The following GNA14 variants were observed in gnomAD, a reference collection of about 807,000 sequenced individuals.
GNA14 encodes G protein subunit alpha 14, also known as guanine nucleotide-binding protein subunit alpha-14.
Under a neutral mutation model 42.0 loss-of-function variants are expected in GNA14, and 50 were observed. The ratio of observed to expected loss-of-function variants is 1.19; its 90% CI spans 0.95 to 1.51. The LOEUF is 1.51. GNA14 is among the 40% of genes most tolerant of loss of function. The pLI is 0.00. For synonymous variants in GNA14, 173 were observed against 163.1 expected (o/e 1.06, Z -0.46); for missense variants, 473 against 446.2 (o/e 1.06, Z -0.54).
chr9:77,634,448 C>T (rs1275541187), intron 1 of GNA14, among the ~76,000 whole-genome samples: 6 of 118,344 alleles, frequency 5.1e-5, no homozygotes, highest in African/African-American at 9.7e-5. Context: ...AGGAAGGAAG[C>T]GAAAGGAAAG....
intron 2 of GNA14, among the ~76,000 whole-genome samples, chr9:77,464,369 G>A (rs1362474107): frequency 6.6e-6 from 1 of 150,500 alleles, no homozygotes; most frequent in African/African-American, 2.5e-5. Flanking sequence ...GTGTGTGTGT[G>A]TGTGTGTGTG....
chr9:77,597,659 C>A (rs1407740901), intron 1 of GNA14, among the ~76,000 whole-genome samples: 1 of 149,972 alleles, frequency 6.7e-6, no homozygotes, highest in Non-Finnish European at 1.5e-5. Flanking sequence ...AGTGGCAAAA[C>A]CCGCAATTAC....
chr9:77,533,661 C>G (rs143425925), intron 1 of GNA14, among the ~76,000 whole-genome samples: 69 of 152,288 alleles, frequency 4.5e-4, no homozygotes, highest in African/African-American at 1.6e-3. Context: ...TAAAACTGCT[C>G]CTGGTCTAAG....
intron 2 of GNA14, among the ~76,000 whole-genome samples, chr9:77,489,825 C>T (rs1204552259): frequency 6.6e-6 from 1 of 152,136 alleles, no homozygotes; most frequent in Non-Finnish European, 1.5e-5. Flanking sequence ...ATAAAAGCAG[C>T]GTGGACCCAA....
chr9:77,424,161 GT>G lies in GNA14; in HGVS notation c.885del (p.Lys295AsnfsTer12). The G allele has an allele frequency of 6.2e-7, 1 of 1,606,450 alleles. No homozygotes were observed. The highest frequency in any genetic ancestry group is 8.5e-7 in the Non-Finnish European group (1 of 1,175,616). On this transcript the variant is annotated frameshift_variant, in exon 7 of 7. Coordinates refer to ENST00000341700, the MANE Select transcript of GNA14 (RefSeq NM_004297.4). LOFTEE classifies it high-confidence loss of function. ...ISYFPEYTGP[K>X]QDVRAARDFI... ...AAGTCTCTGGCAGCTCTGACATCCTGTTTCGGTCCTAGTCACAAGTGCAATT... is the reference window on the plus strand; with the variant it reads ...AAGTCTCTGGCAGCTCTGACATCCTGTTCGGTCCTAGTCACAAGTGCAATT...
At chr9:77,569,007 A>G (rs1823016806) in intron 1 of GNA14, among the ~76,000 whole-genome samples, 1 of 152,140 alleles carries the variant, frequency 6.6e-6, no homozygotes, top group Non-Finnish European at 1.5e-5. Flanking sequence ...CAAGTTTTTC[A>G]ATGCCCAGGC....
intron 1 of GNA14, among the ~76,000 whole-genome samples, chr9:77,603,254 A>G (rs1823595729): frequency 1.3e-5 from 2 of 152,148 alleles, no homozygotes; most frequent in Admixed American, 6.5e-5. Flanking sequence ...TTTGTGTGTG[A>G]AATGTTTGGT....
chr9:77,500,418 T>TA (rs1027843547), intron 2 of GNA14, among the ~76,000 whole-genome samples: 8 of 152,306 alleles, frequency 5.3e-5, no homozygotes, highest in African/African-American at 9.6e-5. Context: ...CATGAGGTTG[T>TA]AAAAAAATAG....
intron 1 of GNA14, among the ~76,000 whole-genome samples, chr9:77,644,529 G>A (rs893902092): frequency 2.7e-5 from 4 of 150,126 alleles, no homozygotes; most frequent in East Asian, 2.0e-4. Context: ...GCAGCTGTCT[G>A]CAAGCCAAGG....
At chr9:77,610,530 C>G (rs1357892974) in intron 1 of GNA14, among the ~76,000 whole-genome samples, 4 of 152,136 alleles carry the variant, frequency 2.6e-5, no homozygotes, top group African/African-American at 9.7e-5. Context: ...TTCATCTAAC[C>G]TATTTACCTC....
chr9:77,572,420 T>C (rs1260460819), intron 1 of GNA14, among the ~76,000 whole-genome samples: 1 of 152,200 alleles, frequency 6.6e-6, no homozygotes, highest in African/African-American at 2.4e-5. Flanking sequence ...CTCCTTTCTT[T>C]CATAAAATGA....
intron 1 of GNA14, among the ~76,000 whole-genome samples, chr9:77,552,076 G>A (rs1837793460): frequency 6.8e-6 from 1 of 146,892 alleles, no homozygotes; most frequent in Non-Finnish European, 1.5e-5. Context: ...GGAGGCAGAG[G>A]TTGCAGTGAG....
intron 2 of GNA14, among the ~76,000 whole-genome samples, chr9:77,472,610 G>C (rs1466569742): frequency 6.6e-6 from 1 of 152,132 alleles, no homozygotes; most frequent in Non-Finnish European, 1.5e-5. Context: ...AGAATCAATT[G>C]TAGTTTTATA....
chr9:77,464,331 ATGTG>A (rs754670266), intron 2 of GNA14, among the ~76,000 whole-genome samples: 18 of 142,844 alleles, frequency 1.3e-4, no homozygotes, highest in African/African-American at 2.7e-4. Flanking sequence ...GTGTATATAT[ATGTG>A]TGTGTGTGTG....
chr9:77,556,247 T>C (rs1232536709), intron 1 of GNA14, among the ~76,000 whole-genome samples: 1 of 151,928 alleles, frequency 6.6e-6, no homozygotes, highest in East Asian at 1.9e-4. Flanking sequence ...CCATTTCAAA[T>C]AATAAAAATA....
intron 1 of GNA14, among the ~76,000 whole-genome samples, chr9:77,547,475 C>T (rs12347692): frequency 0.019 from 2,826 of 152,226 alleles, 78 homozygotes; most frequent in African/African-American, 0.058. Context: ...GTCGTAATAA[C>T]GAAAGTTATG....
chr9:77,428,912 T>C lies in GNA14; in HGVS notation c.718A>G (p.Asn240Asp), dbSNP rs1835498962. ...AAACTTCCCGCCCAGCATACCTCGT[T>C]GTCACACTCAGCCAGGACCTGGTCA... ...EYDQVLAECDNENRMEESKAL... is the reference protein window; with the variant it reads ...EYDQVLAECDDENRMEESKAL... Residue 240 changes from asparagine to aspartate, a missense_variant, in exon 5 of 7, where the codon AAC becomes GAC. By Grantham distance (23) the Asn-to-Asp change is conservative (BLOSUM62 1). Transcript: ENST00000341700. The C allele has an allele frequency of 1.9e-6, 3 of 1,613,418 alleles. No individual in the cohort carries two copies. In the African/African-American group the frequency reaches 4.0e-5, roughly 22 times the overall value.
chr9:77,464,383 G>A (rs948118565), intron 2 of GNA14, among the ~76,000 whole-genome samples: 2 of 150,240 alleles, frequency 1.3e-5, no homozygotes, highest in African/African-American at 2.5e-5. Flanking sequence ...GTGTGTGTGT[G>A]TGTGTGTGTT....
intron 2 of GNA14, among the ~76,000 whole-genome samples, chr9:77,436,899 G>A (rs1313103716): frequency 6.6e-6 from 1 of 152,202 alleles, no homozygotes; most frequent in East Asian, 1.9e-4. Flanking sequence ...AAATAAGAGT[G>A]AAAGCATACT....
Sources: allele counts gnomAD v4.1 joint callset (sites outside exome capture counted in the v4.1 genomes callset), GRCh38; gene constraint gnomAD v4.1.1; transcripts MANE v1.5; gene names NCBI Gene and HGNC (gene_info 2026-07-23, HGNC 2026-07-21).